PIGN: variants seen among roughly 807,000 people sequenced by gnomAD.
PIGN encodes GPI ethanolamine phosphate transferase 1.
A neutral mutation model predicts 125.4 loss-of-function variants in PIGN; 117 were observed. The observed-to-expected ratio is 0.93, with a 90% confidence interval of 0.80 to 1.09. The LOEUF is 1.09. PIGN is among the 50% of genes least tolerant of loss of function. The pLI is 0.00. For missense variants in PIGN, 1,075 were observed against 1,094.9 expected (o/e 0.98, Z 0.26); for synonymous variants, 392 against 377.8 (o/e 1.04, Z -0.44).
At chr18:62,129,172 A>G (rs934660784) in intron 14 of PIGN, among the ~76,000 whole-genome samples, 2 of 152,096 alleles carry the variant, frequency 1.3e-5, no homozygotes, top group African/African-American at 4.8e-5. Context: ...TAGTCGCATC[A>G]TCCTTGGTAG....
chr18:62,089,898 T>C (rs2033879408), intron 24 of PIGN, among the ~76,000 whole-genome samples: 1 of 152,164 alleles, frequency 6.6e-6, no homozygotes, highest in African/African-American at 2.4e-5. Flanking sequence ...TTTAACTCTG[T>C]AGCCCACCAT....
At position 62,164,736 on chromosome 18, in the gene PIGN, CATT is replaced by C. The variant is rs549104138; in HGVS notation, c.-235-1083_-235-1081del. Among the ~76,000 whole-genome samples the C allele has an allele frequency of 1.6e-3, 239 of 152,222 alleles. 1 individual carries two copies. Among genetic ancestry groups the C allele is most frequent in the African/African-American group, 5.4e-3 (223 of 41,542 alleles). Reference sequence around the variant, plus strand: ...TATGTTGATTATTATCACACATAATCATTATTATGTATATGTTAATACATATGT... The same window carrying C: ...TATGTTGATTATTATCACACATAATCATTATGTATATGTTAATACATATGT... On this transcript the variant is annotated intron_variant, in intron 1 of 30. Transcript: ENST00000640252.
chr18:62,085,007 C>T (rs2033630371), intron 26 of PIGN, among the ~76,000 whole-genome samples: 2 of 152,008 alleles, frequency 1.3e-5, no homozygotes, highest in Admixed American at 1.3e-4. Context: ...ACTCGGGAGG[C>T]TGAGGCATGA....
Position 62,156,884 on chromosome 18 carries a change from C to A in PIGN, c.442+245G>T, listed in dbSNP as rs3764489. On this transcript the variant is annotated intron_variant, in intron 6 of 30. Transcript: ENST00000640252. ...TGCTCAAGATTATATAGCTGTTAAG[C>A]GATAGTGCTATATACCACTTAATTG... 7.9e-5 allele frequency among the ~76,000 whole-genome samples: 12 copies of A among 152,044 alleles called. No individual in the cohort carries two copies. In the East Asian group the frequency reaches 1.7e-3, roughly 22 times the overall value.
At position 62,101,074 on chromosome 18, in the gene PIGN, C is replaced by A. The variant is rs2034416529; in HGVS notation, c.2077+1G>T. On this transcript the variant is annotated splice_donor_variant, in intron 22 of 30. Coordinates refer to ENST00000640252, the MANE Select transcript of PIGN (RefSeq NM_176787.5). LOFTEE classifies it high-confidence loss of function. ...CTCACCTGGTTTGAGTGGCCTCTTA[C>A]CTAATGTTGCCCAGCTAATAATTTG... is the stretch of plus-strand genomic sequence containing the variant. 6.4e-7 allele frequency: 1 copy of A among 1,564,756 alleles called. No individual in the cohort carries two copies. Among genetic ancestry groups the A allele is most frequent in the Non-Finnish European group, 8.8e-7 (1 of 1,134,986 alleles).
chr18:62,125,468 A>G (rs2146880462), intron 14 of PIGN, among the ~76,000 whole-genome samples: 1 of 152,070 alleles, frequency 6.6e-6, no homozygotes, highest in Admixed American at 6.6e-5. Context: ...CATTTTTTTG[A>G]TTATAAGCAA....
chr18:62,021,409 G>T (rs766528666), intron 23 of PIGN, among the ~76,000 whole-genome samples: 24 of 152,234 alleles, frequency 1.6e-4, no homozygotes, highest in Non-Finnish European at 3.1e-4. Flanking sequence ...TTCTGGGTCA[G>T]AGACAAAAGA....
chr18:62,135,451 G>A (rs1426049351), intron 14 of PIGN, among the ~76,000 whole-genome samples: 2 of 152,056 alleles, frequency 1.3e-5, no homozygotes, highest in African/African-American at 4.8e-5. Flanking sequence ...AGAGGACACA[G>A]TGGCTTTGAA....
downstream of PIGN, among the ~76,000 whole-genome samples, chr18:62,036,275 T>A (rs186745017): frequency 5.3e-5 from 8 of 152,178 alleles, no homozygotes; most frequent in East Asian, 9.6e-4. Flanking sequence ...CTTTTTTTTT[T>A]AAAGATTTTT....
rs954178776 is a variant in PIGN at position 62,078,477 on chromosome 18, T to C, written c.2577-3656A>G. On this transcript the variant is annotated intron_variant, in intron 28 of 30. Coordinates refer to ENST00000640252, the MANE Select transcript of PIGN (RefSeq NM_176787.5). ...CTGTGCTCCTAACCATTACGCACAC[T>C]GCCTCCCTATGGCTCTACTGACTCT... 3.9e-5 allele frequency among the ~76,000 whole-genome samples: 6 copies of C among 152,334 alleles called. No homozygotes were observed. The East Asian group carries it at 5.8e-4, about 15-fold the overall frequency.
At chr18:62,067,580 T>C (rs929358693) in intron 30 of PIGN, among the ~76,000 whole-genome samples, 23 of 152,356 alleles carry the variant, frequency 1.5e-4, no homozygotes, top group Admixed American at 1.3e-3. Context: ...GTACACTATA[T>C]ACTCTTACAT....
chr18:62,183,599 TTGTCTACGACTATTTGAATTAA>T (rs1465330087), intron 1 of PIGN, among the ~76,000 whole-genome samples: 1 of 152,238 alleles, frequency 6.6e-6, no homozygotes, highest in African/African-American at 2.4e-5. Context: ...TTACATAGCT[TTGTCTACGACTATTTGAATTAA>T]TGTCTGTCTC....
intron 28 of PIGN, chr18:62,075,718 A>T (rs1367791120): frequency 6.6e-6 from 1 of 152,224 alleles, no homozygotes; most frequent in Non-Finnish European, 1.5e-5. Flanking sequence ...AGGAAAATAC[A>T]TCAAGAGTGC....
chr18:62,072,657 A>G lies in PIGN; in HGVS notation c.2672+16T>C. The G allele has an allele frequency of 6.3e-7, 1 of 1,591,396 alleles. No homozygotes were observed. Among genetic ancestry groups the G allele is most frequent in the Non-Finnish European group, 8.6e-7 (1 of 1,163,428 alleles). ...TATCCCTGTTGTTAAGCAATGCATGACCATATATACTATACCTTGTCCCAA... is the reference window on the plus strand; with the variant it reads ...TATCCCTGTTGTTAAGCAATGCATGGCCATATATACTATACCTTGTCCCAA... On this transcript the variant is annotated intron_variant, in intron 30 of 30. Transcript: ENST00000640252.
Position 62,113,209 on chromosome 18 carries a change from T to C in PIGN, c.1359A>G (p.Gly453=), listed in dbSNP as rs1263965977. The change falls in exon 16 of 31, where the codon GGA becomes GGG. Residue 453 remains glycine, a synonymous_variant. Transcript: ENST00000640252. ...LGVNVVIGFV[G]WISYASLLII... is the part of the protein sequence containing the mutation. ...TCAACAAAGAGGCATAAGATATCCATCCCACAAAACCAATAACAACATTGA... is the reference window on the plus strand; with the variant it reads ...TCAACAAAGAGGCATAAGATATCCACCCCACAAAACCAATAACAACATTGA... 6.2e-7 allele frequency: 1 copy of C among 1,612,938 alleles called. No homozygotes were observed. Among genetic ancestry groups the C allele is most frequent in the Non-Finnish European group, 8.5e-7 (1 of 1,179,398 alleles).
At chr18:62,151,689 C>T (rs1207309503) in intron 7 of PIGN, among the ~76,000 whole-genome samples, 1 of 152,236 alleles carries the variant, frequency 6.6e-6, no homozygotes, top group Non-Finnish European at 1.5e-5. Context: ...CTTTCCCGTT[C>T]TAAAGTTTTT....
At chr18:62,090,302 T>TA (rs2033896281) in intron 24 of PIGN, among the ~76,000 whole-genome samples, 174 bp downstream of exon 24, 1 of 152,140 alleles carries the variant, frequency 6.6e-6, no homozygotes, top group African/African-American at 2.4e-5. Flanking sequence ...CTGTGATAAG[T>TA]AAAAAATCTT....
intron 14 of PIGN, chr18:62,137,066 G>A (rs1030103358): frequency 1.3e-4 from 53 of 398,542 alleles, no homozygotes; most frequent in Non-Finnish European, 2.2e-5. Flanking sequence ...AGTGGGAGAA[G>A]CAGACCCACC....
chr18:62,157,754 T>G lies in PIGN; in HGVS notation c.276A>C (p.Thr92=). 1 of 1,612,770 alleles carries G rather than the reference T, an allele frequency of 6.2e-7. No individual in the cohort carries two copies. The highest frequency in any genetic ancestry group is 8.5e-7 in the Non-Finnish European group (1 of 1,179,204). The part of the protein sequence containing the change: ...SWGISHTRVP[T]ESRPGHVALI... ...GAGCTACATGACCTGGCCGAGATTCTGTTGGCACACGTGTATGAGATATGC... is the reference window on the plus strand; with the variant it reads ...GAGCTACATGACCTGGCCGAGATTCGGTTGGCACACGTGTATGAGATATGC... Residue 92 remains threonine (T), a synonymous_variant, in exon 5 of 31, where the codon ACA becomes ACC. Transcript: ENST00000640252.
Sources: allele counts gnomAD v4.1 joint callset (sites outside exome capture counted in the v4.1 genomes callset), GRCh38; gene constraint gnomAD v4.1.1; transcripts MANE v1.5; gene names NCBI Gene and HGNC (gene_info 2026-07-23, HGNC 2026-07-21).